HAPLN2: variants seen among roughly 807,000 people sequenced by gnomAD.
HAPLN2 encodes the protein hyaluronan and proteoglycan link protein 2, also known as brain link protein-1.
HAPLN2 carries 27 observed loss-of-function variants against 29.3 expected under a neutral mutation model. The observed-to-expected ratio is 0.92, with a 90% CI of 0.68 to 1.27. The LOEUF (loss-of-function observed/expected upper bound fraction) is 1.27. Among genes scored for constraint, HAPLN2 ranks in the 50% most tolerant of loss-of-function variants. The pLI, the probability that HAPLN2 is intolerant of heterozygous loss-of-function variation, is 0.00. For synonymous variants in HAPLN2, 208 were observed against 211.7 expected (o/e 0.98, Z 0.15); for missense variants, 454 against 484.3 (o/e 0.94, Z 0.59).
chr1:156,624,870 A>T, intron 6 of HAPLN2, 87 bp downstream of exon 6: 1 of 1,390,864 alleles, frequency 7.2e-7, no homozygotes, highest in African/African-American at 1.5e-5. Flanking sequence ...AGATCAGGGC[A>T]GGGTCTCCGG....
the HAPLN2 span, among the ~76,000 whole-genome samples, chr1:156,604,718 A>G: frequency 1.3e-5 from 2 of 152,248 alleles, no homozygotes; most frequent in African/African-American, 4.8e-5. Flanking sequence ...AAGTAATAAA[A>G]TACTTAGGAA....
the HAPLN2 span, among the ~76,000 whole-genome samples, chr1:156,601,717 AC>A: frequency 6.6e-6 from 1 of 151,996 alleles, no homozygotes; most frequent in Non-Finnish European, 1.5e-5. Flanking sequence ...GATGCCAAGA[AC>A]GGCTCCGCGT....
chr1:156,619,076 C>G (rs1192768152), upstream of HAPLN2, among the ~76,000 whole-genome samples: 1 of 152,124 alleles, frequency 6.6e-6, no homozygotes, highest in Non-Finnish European at 1.5e-5. Context: ...CCAGCCTTTC[C>G]CCTGGCCTCA....
At chr1:156,602,271 G>C in the HAPLN2 span, among the ~76,000 whole-genome samples, 46 of 152,218 alleles carry the variant, frequency 3.0e-4, no homozygotes, top group African/African-American at 1.0e-3. Flanking sequence ...ACCATTGTGT[G>C]CCAGAACTTG....
upstream of HAPLN2, among the ~76,000 whole-genome samples, chr1:156,618,142 ACAAAAATTATCTT>A (rs1678106367): frequency 6.6e-6 from 1 of 151,852 alleles, no homozygotes; most frequent in African/African-American, 2.4e-5. Context: ...ACAAAAAAAT[ACAAAAATTATCTT>A]GGCGTGGTGG....
the HAPLN2 span, among the ~76,000 whole-genome samples, chr1:156,605,996 A>T: frequency 6.6e-6 from 1 of 152,056 alleles, no homozygotes; most frequent in African/African-American, 2.4e-5. Context: ...CTAAAAATAA[A>T]AATTAGGCTG....
the HAPLN2 span, among the ~76,000 whole-genome samples, chr1:156,607,262 C>A: frequency 1.3e-5 from 2 of 151,898 alleles, no homozygotes; most frequent in East Asian, 3.8e-4. Context: ...GGTGAAAGAC[C>A]TGAGGTCAGG....
At chr1:156,616,621 T>G (rs1678064796), upstream of HAPLN2, among the ~76,000 whole-genome samples, 1 of 152,080 alleles carries the variant, frequency 6.6e-6, no homozygotes, top group African/African-American at 2.4e-5. Flanking sequence ...CCGGAGGCTG[T>G]TTGTTTGAGT....
At chr1:156,613,095 A>G in the HAPLN2 span, among the ~76,000 whole-genome samples, 24 of 152,242 alleles carry the variant, frequency 1.6e-4, no homozygotes, top group Non-Finnish European at 3.2e-4. Context: ...TCACGCCTGT[A>G]ATCCCAGCAC....
upstream of HAPLN2, among the ~76,000 whole-genome samples, chr1:156,615,878 T>C (rs780387092): frequency 6.6e-6 from 1 of 150,922 alleles, no homozygotes; most frequent in Non-Finnish European, 1.5e-5. Context: ...CCAAATCCCA[T>C]CCCTTAAAAA....
At position 156,624,008 on chromosome 1, in the gene HAPLN2, C is replaced by G. The variant is rs143721728; in HGVS notation, c.287C>G (p.Pro96Arg). 2 of 1,610,648 alleles carry G rather than the reference C, an allele frequency of 1.2e-6. No homozygotes were observed. Among genetic ancestry groups the G allele is most frequent in the Non-Finnish European group, 8.5e-7 (1 of 1,178,516 alleles). ...GGACTGCACGCCCGGGGGTATGGGC[C>G]CCTGGGAGGGCGCGCCAGGATGCGG... Reference protein sequence around the residue: ...TNGLHARGYGPLGGRARMRRG... With the variant: ...TNGLHARGYGRLGGRARMRRG... The change falls in exon 4 of 7, where the codon CCC (proline) becomes CGC (arginine). Residue 96 changes from proline to arginine, a missense_variant. Around this residue, in one of 3 missense-constraint regions of HAPLN2, gnomAD observed 204 missense variants for 209.2 expected, o/e 0.98. Transcript: ENST00000255039.
At chr1:156,602,971 C>T in the HAPLN2 span, among the ~76,000 whole-genome samples, 1 of 151,992 alleles carries the variant, frequency 6.6e-6, no homozygotes, top group South Asian at 2.1e-4. Flanking sequence ...GTCATAATTG[C>T]CCTGTATGTC....
At chr1:156,615,919 T>A (rs1678047030), upstream of HAPLN2, among the ~76,000 whole-genome samples, 1 of 147,378 alleles carries the variant, frequency 6.8e-6, no homozygotes, top group African/African-American at 2.7e-5. Flanking sequence ...CTTAAAAAAA[T>A]TTTTAGAGAT....
intron 2 of HAPLN2, among the ~76,000 whole-genome samples, chr1:156,621,887 T>G (rs1384277270): frequency 6.6e-6 from 1 of 150,748 alleles, no homozygotes; most frequent in African/African-American, 2.4e-5. Context: ...TACCGGGAGG[T>G]GGAGCTTGCA....
At chr1:156,609,546 A>G in the HAPLN2 span, among the ~76,000 whole-genome samples, 1 of 152,202 alleles carries the variant, frequency 6.6e-6, no homozygotes, top group African/African-American at 2.4e-5. Flanking sequence ...TCTATGATTC[A>G]TCCTGGCATT....
rs1678398638 is a variant in HAPLN2, at chr1:156,624,928, C to T, written c.739+145C>T. ...CCATCAGCCCGCCCGCCCGCCCAGG[C>T]TCCAGCTCACCTCTCCAAACCCTCC... On this transcript the variant is annotated intron_variant, in intron 6 of 6. Coordinates refer to ENST00000255039, the MANE Select transcript of HAPLN2 (RefSeq NM_021817.3). 3.0e-6 allele frequency: 3 copies of T among 1,009,240 alleles called. No individual in the cohort carries two copies. The Admixed American group carries it at 1.0e-4, about 34-fold the overall frequency. 62.5% of individuals were successfully genotyped at this position (1,009,240 alleles called of 1,614,324 possible). A position where few individuals can be genotyped will look rare whatever the true frequency, so the allele number is the denominator to read the frequency against.
At chr1:156,607,821 G>A in the HAPLN2 span, among the ~76,000 whole-genome samples, 1 of 152,032 alleles carries the variant, frequency 6.6e-6, no homozygotes. Context: ...TAAACCCTGA[G>A]ACTGAGGAAA....
At chr1:156,613,594 G>A in the HAPLN2 span, among the ~76,000 whole-genome samples, 1 of 152,122 alleles carries the variant, frequency 6.6e-6, no homozygotes, top group Non-Finnish European at 1.5e-5. Flanking sequence ...CCCTGGGAGA[G>A]TCAGATGAGT....
At chr1:156,606,204 C>G in the HAPLN2 span, among the ~76,000 whole-genome samples, 6 of 151,884 alleles carry the variant, frequency 4.0e-5, no homozygotes, top group African/African-American at 1.5e-4. Context: ...GCGGAGGTTG[C>G]AGTGAGCCAA....
Sources: gnomAD v4.1 joint callset for allele counts (sites outside exome capture counted in the v4.1 genomes callset) on GRCh38, gnomAD v4.1.1 for gene constraint, gnomAD v4.1.1 regional missense constraint, MANE v1.5 for transcripts, NCBI Gene and HGNC (gene_info 2026-07-23, HGNC 2026-07-21) for gene names.